ZNF791: variants seen among roughly 807,000 people sequenced by gnomAD.
ZNF791 encodes zinc finger protein 791.
A neutral mutation model predicts 11.5 loss-of-function variants in ZNF791; 4 were observed. The observed-to-expected ratio is 0.35, with a 90% confidence interval of 0.17 to 0.80. ZNF791 has a LOEUF of 0.80. Among genes scored for constraint, ZNF791 ranks in the 30% least tolerant of loss-of-function variants. ZNF791 has a pLI of 0.53. For synonymous variants in ZNF791, 212 were observed against 228.1 expected (o/e 0.93, Z 0.64); for missense variants, 559 against 699.4 (o/e 0.80, Z 2.26).
At chr19:12,614,793 C>T (rs1309212056) in intron 1 of ZNF791, among the ~76,000 whole-genome samples, 1 of 147,576 alleles carries the variant, frequency 6.8e-6, no homozygotes, top group Non-Finnish European at 1.5e-5. Context: ...GGGGTTTCTC[C>T]ATGTTTGTCA....
chr19:12,624,586 T>C (rs1335250976), intron 2 of ZNF791, 64 bp from the exon 3 acceptor site: 24 of 1,265,430 alleles, frequency 1.9e-5, no homozygotes, highest in Non-Finnish European at 2.4e-5. Context: ...TGTGAACCTA[T>C]AATCTAATAA....
At position 12,627,924 on chromosome 19, in the gene ZNF791, A is replaced by G; in HGVS notation, c.395A>G (p.Tyr132Cys). 1 of 1,614,224 alleles carries G rather than the reference A, an allele frequency of 6.2e-7. No individual in the cohort carries two copies. The highest frequency in any genetic ancestry group is 8.5e-7 in the Non-Finnish European group (1 of 1,180,036). The change falls in exon 4 of 4, where the codon TAT (tyrosine) becomes TGT (cysteine). Residue 132 changes from tyrosine (Y) to cysteine (C), a missense_variant. Tyr to Cys is a radical substitution (Grantham distance 194, BLOSUM62 -2). Transcript: ENST00000343325. ...HTGYELFEKP[Y>C]KCKECEKAFS... Reference sequence around the variant, plus strand: ...GGATACGAGCTATTTGAGAAGCCATATAAATGTAAGGAGTGTGAGAAAGCC... The same window carrying G: ...GGATACGAGCTATTTGAGAAGCCATGTAAATGTAAGGAGTGTGAGAAAGCC...
chr19:12,628,045 C>T lies in ZNF791; in HGVS notation c.516C>T (p.His172=). 6.2e-7 allele frequency: 1 copy of T among 1,613,254 alleles called. No homozygotes were observed. Among genetic ancestry groups the T allele is most frequent in the Non-Finnish European group, 8.5e-7 (1 of 1,179,694 alleles). The change falls in exon 4 of 4, where the codon CAC becomes CAT. Residue 172 remains histidine, a synonymous_variant. Coordinates refer to ENST00000343325, the MANE Select transcript of ZNF791 (RefSeq NM_153358.3). ...AATGTGGAAAAACCTTCATATATCA[C>T]CAGCCCTTTCAAAGACATGAGCGGA... is the stretch of plus-strand genomic sequence containing the variant. ...CKQCGKTFIY[H]QPFQRHERTH...
Position 12,631,562 on chromosome 19 carries a change from T to A in ZNF791, c.*2302T>A, listed in dbSNP as rs769964462. The A allele has an allele frequency of 6.6e-6, 1 of 152,138 alleles. No homozygotes were observed. The highest frequency in any genetic ancestry group is 1.5e-5 in the Non-Finnish European group (1 of 68,018). The allele number at this position is 152,138 out of a possible 1,614,324, so 9.4% of individuals were successfully genotyped here. A position where few individuals can be genotyped will look rare whatever the true frequency, so the allele number is the denominator to read the frequency against. ...GCCTGGCCAAGACGGTGAAACCCCA[T>A]CTCTACTAAAAATACAAAAATTACC... On this transcript the variant is annotated 3_prime_UTR_variant, in exon 4 of 4. Transcript: ENST00000343325.
intron 1 of ZNF791, among the ~76,000 whole-genome samples, chr19:12,617,334 C>T (rs138192684): frequency 6.6e-6 from 1 of 151,170 alleles, no homozygotes; most frequent in East Asian, 1.9e-4. Flanking sequence ...CCATGTTGGC[C>T]AGGCTGGTCT....
chr19:12,631,872 C>A lies in ZNF791; in HGVS notation c.*2612C>A, dbSNP rs2023505375. ...CTGTAAGTACTCTTTAAGCAGTGGT[C>A]AAAAGTTTAAAAGGTTGTGTTTTCT... is the stretch of plus-strand genomic sequence containing the variant. On this transcript the variant is annotated 3_prime_UTR_variant, in exon 4 of 4. Transcript: ENST00000343325. 1 of 152,218 alleles carries A rather than the reference C, an allele frequency of 6.6e-6. No individual in the cohort carries two copies. Among genetic ancestry groups the A allele is most frequent in the South Asian group, 2.1e-4 (1 of 4,828 alleles). 9.4% of individuals were successfully genotyped at this position (152,218 alleles called of 1,614,324 possible). A position where few individuals can be genotyped will look rare whatever the true frequency, so the allele number is the denominator to read the frequency against.
intron 1 of ZNF791, chr19:12,612,201 A>C: frequency 2.5e-6 from 2 of 784,752 alleles, no homozygotes; most frequent in Non-Finnish European, 3.1e-6. Flanking sequence ...TGACATTATT[A>C]TTTTCTTTTT....
At chr19:12,621,859 T>C (rs112829751) in intron 1 of ZNF791, among the ~76,000 whole-genome samples, 61,360 of 106,318 alleles carry the variant, frequency 0.58, 18,833 homozygotes, top group Non-Finnish European at 0.64. Context: ...GAGGTGTGCC[T>C]AACAGCTCAT....
intron 1 of ZNF791, among the ~76,000 whole-genome samples, chr19:12,614,626 C>T (rs2023211683): frequency 7.6e-6 from 1 of 131,270 alleles, no homozygotes; most frequent in Non-Finnish European, 1.6e-5. Context: ...CGGAGTTTTG[C>T]TCTTGTTGCC....
rs1462239195 is a variant in ZNF791 at position 12,629,160 on chromosome 19, G to A, written c.1631G>A (p.Arg544Lys). Residue 544 changes from arginine (R) to lysine (K), a missense_variant, in exon 4 of 4, where the codon AGA becomes AAA. Arg to Lys is a conservative substitution (Grantham distance 26). Transcript: ENST00000343325. ...SLHSSFQRHTRIHNYEKPLEC... is the reference protein window; with the variant it reads ...SLHSSFQRHTKIHNYEKPLEC... The stretch of plus-strand genomic sequence containing the variant: ...CACAGTTCCTTTCAAAGACATACAA[G>A]AATTCACAATTATGAGAAACCTCTT... 6.3e-7 allele frequency: 1 copy of A among 1,596,944 alleles called. No individual in the cohort carries two copies. The highest frequency in any genetic ancestry group is 8.5e-7 in the Non-Finnish European group (1 of 1,173,380).
At chr19:12,620,864 G>A (rs1350360099) in intron 1 of ZNF791, among the ~76,000 whole-genome samples, 4 of 147,644 alleles carry the variant, frequency 2.7e-5, no homozygotes, top group South Asian at 2.1e-4. Flanking sequence ...GGGTTCAAGC[G>A]ATTCTCCTGC....
chr19:12,623,849 T>G (rs2023387438), intron 2 of ZNF791, 23 bp downstream of exon 2: 1 of 978,650 alleles, frequency 1.0e-6, no homozygotes, highest in Admixed American at 3.0e-5. Context: ...TCATTTTTTC[T>G]TTTTTCTTTT....
chr19:12,626,085 C>T (rs1267580557), intron 3 of ZNF791, among the ~76,000 whole-genome samples: 1 of 152,100 alleles, frequency 6.6e-6, no homozygotes, highest in African/African-American at 2.4e-5. Flanking sequence ...GGCGCAATCT[C>T]GGCTCACTGC....
At chr19:12,627,600 TG>T in intron 3 of ZNF791, 120 bp from the exon 4 acceptor site, 1 of 906,906 alleles carries the variant, frequency 1.1e-6, no homozygotes, top group Non-Finnish European at 1.6e-6. Flanking sequence ...CACTCCAGCC[TG>T]GGGAACAAGA....
intron 1 of ZNF791, among the ~76,000 whole-genome samples, chr19:12,617,730 G>GTCC (rs2023266315): frequency 9.1e-6 from 1 of 109,616 alleles, no homozygotes; most frequent in Admixed American, 8.9e-5. Context: ...ACTAAACTTT[G>GTCC]TCCTTTCTGA....
At chr19:12,622,955 G>A (rs866440045) in intron 1 of ZNF791, among the ~76,000 whole-genome samples, 1 of 151,340 alleles carries the variant, frequency 6.6e-6, no homozygotes, top group African/African-American at 2.4e-5. Context: ...TTGCACATCT[G>A]TAGTCCTAAC....
chr19:12,616,499 AGTG>A (rs1273036383), intron 1 of ZNF791, among the ~76,000 whole-genome samples: 3 of 152,174 alleles, frequency 2.0e-5, no homozygotes, highest in Non-Finnish European at 4.4e-5. Context: ...AGAGCTGAGA[AGTG>A]GTGCTGGGGC....
intron 1 of ZNF791, among the ~76,000 whole-genome samples, chr19:12,616,451 T>C (rs2023246038): frequency 6.6e-6 from 1 of 152,152 alleles, no homozygotes; most frequent in Non-Finnish European, 1.5e-5. Flanking sequence ...ACGCTAGGCA[T>C]GGTAGCTCAT....
At chr19:12,614,668 C>T (rs1355793379) in intron 1 of ZNF791, among the ~76,000 whole-genome samples, 3 of 150,428 alleles carry the variant, frequency 2.0e-5, no homozygotes, top group African/African-American at 7.3e-5. Context: ...AATCTCGGCT[C>T]ACCGCAACCT....
Sources: gnomAD v4.1 joint callset for allele counts (sites outside exome capture counted in the v4.1 genomes callset) on GRCh38, gnomAD v4.1.1 for gene constraint, MANE v1.5 for transcripts, NCBI Gene and HGNC (gene_info 2026-07-23, HGNC 2026-07-21) for gene names.